ARPP19: variants seen among roughly 807,000 people sequenced by gnomAD.
The protein encoded by ARPP19 is cAMP-regulated phosphoprotein 19.
A neutral mutation model predicts 12.0 loss-of-function variants in ARPP19; 8 were observed. That is an observed-to-expected ratio of 0.67 (90% CI 0.39 to 1.21). The LOEUF (loss-of-function observed/expected upper bound fraction) is 1.21. Among genes scored for constraint, ARPP19 ranks in the 50% most tolerant of loss-of-function variants. ARPP19 has a pLI of 0.01. For synonymous variants in ARPP19, 47 were observed against 50.4 expected (o/e 0.93, Z 0.29); for missense variants, 102 against 136.3 (o/e 0.75, Z 1.25).
upstream of ARPP19, chr15:52,569,193 C>T (rs2078118742): frequency 7.0e-6 from 3 of 428,728 alleles, no homozygotes; most frequent in South Asian, 5.3e-5. Context: ...TGCCTCACCT[C>T]ACATCCGTTT....
rs561560592 is a variant in ARPP19, at chr15:52,558,836, G to A, written c.46-1614C>T. Among the ~76,000 whole-genome samples, 119 of 142,620 alleles carry A rather than the reference G, an allele frequency of 8.3e-4. 1 individual carries two copies. The highest frequency in any genetic ancestry group is 3.5e-3 in the Middle Eastern group (1 of 284). 93.6% of individuals were successfully genotyped at this position (142,620 alleles called of 152,430 possible). ...CTGTTTCCCTTCCCTTTGTACCCAC[G>A]GGGGGGAAAAAATTACAGGTCAGGC... On this transcript the variant is annotated intron_variant, in intron 1 of 2. Transcript: ENST00000249822.
intron 1 of ARPP19, 146 bp downstream of exon 1, chr15:52,568,702 G>T: frequency 1.9e-6 from 1 of 515,440 alleles, no homozygotes; most frequent in Non-Finnish European, 3.4e-6. Flanking sequence ...GCCAGCGACG[G>T]CGGGAAGCCA....
At chr15:52,560,646 G>C (rs907473330) in intron 1 of ARPP19, among the ~76,000 whole-genome samples, 2 of 152,244 alleles carry the variant, frequency 1.3e-5, no homozygotes, top group Non-Finnish European at 2.9e-5. Flanking sequence ...ATTCTACAGA[G>C]CTAGGCAGTT....
intron 1 of ARPP19, among the ~76,000 whole-genome samples, chr15:52,567,917 G>GA (rs1163852881): frequency 1.3e-5 from 2 of 152,128 alleles, no homozygotes; most frequent in Non-Finnish European, 2.9e-5. Flanking sequence ...TGATTTGTAA[G>GA]AAAAATTGTT....
intron 2 of ARPP19, among the ~76,000 whole-genome samples, chr15:52,554,230 G>A (rs1236116568): frequency 2.0e-5 from 3 of 152,118 alleles, no homozygotes; most frequent in African/African-American, 4.8e-5. Flanking sequence ...GTAAGCAAAA[G>A]TTCATCACAA....
chr15:52,558,209 T>G (rs2077999200), intron 1 of ARPP19, among the ~76,000 whole-genome samples: 2 of 152,054 alleles, frequency 1.3e-5, no homozygotes, highest in African/African-American at 4.8e-5. Context: ...CCCAACACTT[T>G]GGGAGCTGTG....
intron 2 of ARPP19, among the ~76,000 whole-genome samples, chr15:52,552,946 A>G (rs188739611): frequency 6.6e-6 from 1 of 152,142 alleles, no homozygotes; most frequent in East Asian, 1.9e-4. Flanking sequence ...TTGTGGTGGC[A>G]GGTGTCTGGA....
At chr15:52,563,313 T>G (rs148305525) in intron 1 of ARPP19, among the ~76,000 whole-genome samples, 1 of 152,136 alleles carries the variant, frequency 6.6e-6, no homozygotes, top group Non-Finnish European at 1.5e-5. Flanking sequence ...AAATTGATAA[T>G]AGGGTCCGCA....
At chr15:52,558,269 C>T (rs78642752) in intron 1 of ARPP19, among the ~76,000 whole-genome samples, 3,808 of 151,968 alleles carry the variant, frequency 0.025, 68 homozygotes, top group Middle Eastern at 0.055. Context: ...GCAATATGGA[C>T]AAAACCCAAC....
intron 1 of ARPP19, among the ~76,000 whole-genome samples, chr15:52,563,999 A>T (rs770030291): frequency 1.4e-4 from 22 of 152,176 alleles, no homozygotes; most frequent in Non-Finnish European, 2.4e-4. Flanking sequence ...AAGCTAAGAA[A>T]CTTTCTTCAC....
In ARPP19 at chr15:52,547,232, A is replaced by T. The variant is rs779854811; in HGVS notation, c.*4702T>A. The T allele has an allele frequency of 6.6e-6, 1 of 152,240 alleles. No homozygotes were observed. Among genetic ancestry groups the T allele is most frequent in the African/African-American group, 2.4e-5 (1 of 41,464 alleles). The allele number at this position is 152,240 out of a possible 1,614,324, so 9.4% of individuals were successfully genotyped here. A position where few individuals can be genotyped will look rare whatever the true frequency, so the allele number is the denominator to read the frequency against. ...TTTAATAAGACAAAACTGCAAATTAAATCAATAGAAATTAGGTAGATCCAT... is the reference window on the plus strand; with the variant it reads ...TTTAATAAGACAAAACTGCAAATTATATCAATAGAAATTAGGTAGATCCAT... On this transcript the variant is annotated 3_prime_UTR_variant, in exon 3 of 3. Coordinates refer to ENST00000249822, the MANE Select transcript of ARPP19 (RefSeq NM_006628.6).
intron 1 of ARPP19, chr15:52,568,523 C>G (rs2078107440): frequency 3.2e-6 from 1 of 308,970 alleles, no homozygotes; most frequent in African/African-American, 2.2e-5. Flanking sequence ...ACTTCCTAAC[C>G]AAATTGAGGC....
intron 1 of ARPP19, chr15:52,557,718 GT>G (rs1176865985): frequency 6.6e-6 from 1 of 151,512 alleles, no homozygotes; most frequent in African/African-American, 2.4e-5. Flanking sequence ...CCTGATATTT[GT>G]TTTTTTATAA....
intron 1 of ARPP19, among the ~76,000 whole-genome samples, chr15:52,567,616 A>G (rs1167312985): frequency 6.6e-6 from 1 of 152,160 alleles, no homozygotes; most frequent in Non-Finnish European, 1.5e-5. Flanking sequence ...TGCCCCCAAA[A>G]TCCATTTTTT....
chr15:52,552,223 A>G (rs1019402015), intron 2 of ARPP19, 119 bp from the exon 3 acceptor site: 25 of 633,776 alleles, frequency 3.9e-5, no homozygotes, highest in Non-Finnish European at 5.6e-5. Flanking sequence ...CAGGAATATT[A>G]ATTAGATGAA....
At chr15:52,561,336 G>C (rs1026152338) in intron 1 of ARPP19, among the ~76,000 whole-genome samples, 1 of 152,118 alleles carries the variant, frequency 6.6e-6, no homozygotes, top group African/African-American at 2.4e-5. Context: ...GGGTTAAATA[G>C]GTTAGGATGT....
intron 1 of ARPP19, chr15:52,564,046 TTA>T (rs932564744): frequency 5.2e-6 from 3 of 577,330 alleles, no homozygotes; most frequent in Non-Finnish European, 9.0e-6. Flanking sequence ...CTTTAATATT[TTA>T]TGTTATAGTA....
chr15:52,564,155 T>G, intron 1 of ARPP19: 1 of 1,469,152 alleles, frequency 6.8e-7, no homozygotes, highest in Non-Finnish European at 9.2e-7. Context: ...CTAAGACGGC[T>G]AAGAGAAACA....
In ARPP19 at chr15:52,551,895, T is replaced by G; in HGVS notation, c.*39A>C. On this transcript the variant is annotated 3_prime_UTR_variant, in exon 3 of 3. Transcript: ENST00000249822. ...AGATAAGTAACATATTAAGGAGAAA[T>G]AATGAGATTTAGCAGATTCATGCAG... is the stretch of plus-strand genomic sequence containing the variant. 6.7e-7 allele frequency: 1 copy of G among 1,482,708 alleles called. No homozygotes were observed. 91.8% of individuals were successfully genotyped at this position (1,482,708 alleles called of 1,614,324 possible).
Sources: gnomAD v4.1 joint callset for allele counts (sites outside exome capture counted in the v4.1 genomes callset) on GRCh38, gnomAD v4.1.1 for gene constraint, MANE v1.5 for transcripts, NCBI Gene and HGNC (gene_info 2026-07-23, HGNC 2026-07-21) for gene names.